The following BICRAL variants were observed in gnomAD, a reference collection of about 807,000 sequenced individuals.
The protein encoded by BICRAL is BICRA like chromatin remodeling complex associated protein, also known as BRD4-interacting chromatin-remodeling complex-associated protein-like.
A neutral mutation model predicts 91.8 loss-of-function variants in BICRAL; 8 were observed. That is an observed-to-expected ratio of 0.09 (90% confidence interval 0.05 to 0.16). The LOEUF (loss-of-function observed/expected upper bound fraction) is 0.16, where lower values mean the gene tolerates loss of function less well. Among genes scored for constraint, BICRAL ranks in the 10% least tolerant of loss-of-function variants. BICRAL has a pLI of 1.00. For synonymous variants in BICRAL, 445 were observed against 491.1 expected, an observed-to-expected ratio of 0.91 and a Z score of 1.24; for missense variants, 1,038 against 1,310.9, an observed-to-expected ratio of 0.79 and a Z score of 3.21.
intron 1 of BICRAL, among the ~76,000 whole-genome samples, chr6:42,809,306 C>G (rs1275796177): frequency 6.6e-6 from 1 of 151,998 alleles, no homozygotes; most frequent in African/African-American, 2.4e-5. Context: ...TTATTTCTGC[C>G]CCACCTCATT....
intron 1 of BICRAL, among the ~76,000 whole-genome samples, chr6:42,771,847 GA>G (rs527609173): frequency 2.3e-3 from 352 of 150,858 alleles, no homozygotes; most frequent in African/African-American, 8.3e-3. Context: ...AATCAGAAAA[GA>G]AAAAAAAATT....
Position 42,843,459 on chromosome 6 carries a change from T to C in BICRAL, c.1840-8633T>C, listed in dbSNP as rs147068891. Reference sequence around the variant, plus strand: ...TCTTGGATGCCATGATAAGAGCCAGTGTTGTAATCTAAGCATGAAGTAGAC... The same window carrying C: ...TCTTGGATGCCATGATAAGAGCCAGCGTTGTAATCTAAGCATGAAGTAGAC... On this transcript the variant is annotated intron_variant, in intron 6 of 12. Transcript: ENST00000314073. Among the ~76,000 whole-genome samples the C allele has an allele frequency of 5.2e-4, 79 of 152,250 alleles. No individual in the cohort carries two copies. The East Asian group carries it at 0.015, about 28-fold the overall frequency.
At chr6:42,834,735 G>T (rs1022865272) in intron 6 of BICRAL, among the ~76,000 whole-genome samples, 3 of 152,022 alleles carry the variant, frequency 2.0e-5, no homozygotes, top group Non-Finnish European at 4.4e-5. Context: ...CTCCAAATTG[G>T]CTGCTCATCC....
chr6:42,799,810 T>C (rs1283051542), intron 1 of BICRAL, among the ~76,000 whole-genome samples: 1 of 152,198 alleles, frequency 6.6e-6, no homozygotes, highest in Non-Finnish European at 1.5e-5. Context: ...TAGAAACTCA[T>C]TGTGAAACCT....
intron 1 of BICRAL, among the ~76,000 whole-genome samples, chr6:42,757,678 C>T (rs889145348): frequency 3.3e-5 from 5 of 152,328 alleles, no homozygotes; most frequent in African/African-American, 7.2e-5. Flanking sequence ...TGAGCCACCG[C>T]GCCCAGCCTG....
chr6:42,809,104 A>AC (rs374393031), intron 1 of BICRAL, among the ~76,000 whole-genome samples: 76 of 118,594 alleles, frequency 6.4e-4, no homozygotes, highest in South Asian at 1.2e-3. Context: ...AGCCCCCGGC[A>AC]CCCCCCCCAA....
Position 42,822,970 on chromosome 6 carries a change from A to G in BICRAL, c.126A>G (p.Ala42=). The G allele has an allele frequency of 6.2e-7, 1 of 1,611,906 alleles. No homozygotes were observed. ...ACTTGACTAATGCAGGATATTCTGC[A>G]GCCAATTCAAATTCAATTTTCGCCA... The part of the protein sequence containing the change: ...NDDLTNAGYS[A]ANSNSIFANS... Residue 42 remains alanine, a synonymous_variant, in exon 5 of 13, where the codon GCA becomes GCG. Coordinates refer to ENST00000314073, the MANE Select transcript of BICRAL (RefSeq NM_001393499.1).
intron 6 of BICRAL, among the ~76,000 whole-genome samples, chr6:42,832,310 T>G (rs1764506354): frequency 6.6e-6 from 1 of 150,552 alleles, no homozygotes; most frequent in Admixed American, 6.6e-5. Flanking sequence ...ATCATGCCAC[T>G]GCACTCCTGC....
intron 1 of BICRAL, among the ~76,000 whole-genome samples, chr6:42,804,534 A>G (rs1385196894): frequency 6.6e-6 from 1 of 152,234 alleles, no homozygotes; most frequent in Non-Finnish European, 1.5e-5. Flanking sequence ...CTTTAGGATA[A>G]GTAGGCATTG....
At chr6:42,813,801 G>C (rs370745961) in intron 2 of BICRAL, among the ~76,000 whole-genome samples, 37 of 151,972 alleles carry the variant, frequency 2.4e-4, no homozygotes, top group African/African-American at 8.7e-4. Context: ...GATTACAGGC[G>C]TGAGCCACCG....
intron 1 of BICRAL, among the ~76,000 whole-genome samples, chr6:42,798,909 A>T (rs1230592046): frequency 4.0e-5 from 6 of 150,538 alleles, no homozygotes; most frequent in African/African-American, 1.5e-4. Flanking sequence ...AATAGTTGTT[A>T]GACTATATTG....
At position 42,793,542 on chromosome 6, in the gene BICRAL, G is replaced by C. The variant is rs1582823132; in HGVS notation, c.-102+11441G>C. The stretch of plus-strand genomic sequence containing the variant: ...AACTTCAAGTGATCCACCAGCCTTG[G>C]CCTCCCAAAGTGCTGGGATTACAGG... On this transcript the variant is annotated intron_variant, in intron 1 of 12. Transcript: ENST00000314073. Among the ~76,000 whole-genome samples, 6 of 151,398 alleles carry C rather than the reference G, an allele frequency of 4.0e-5. No homozygotes were observed. In the East Asian group the frequency reaches 1.2e-3, roughly 29 times the overall value.
intron 1 of BICRAL, among the ~76,000 whole-genome samples, chr6:42,798,607 A>T (rs1171301681): frequency 6.6e-6 from 1 of 152,100 alleles, no homozygotes; most frequent in African/African-American, 2.4e-5. Flanking sequence ...GAGATAGGAG[A>T]ATTGCTTAAA....
intron 6 of BICRAL, among the ~76,000 whole-genome samples, chr6:42,837,301 A>G (rs1480845135): frequency 4.6e-5 from 7 of 152,178 alleles, no homozygotes; most frequent in Admixed American, 4.6e-4. Flanking sequence ...AACAAACACA[A>G]AAATATAATT....
intron 1 of BICRAL, among the ~76,000 whole-genome samples, chr6:42,770,713 G>GCCCTCCCCTC (rs1562453233): frequency 5.9e-5 from 9 of 151,332 alleles, no homozygotes; most frequent in African/African-American, 9.7e-5. Flanking sequence ...ACCCCACCCG[G>GCCCTCCCCTC]TCAGTGTTTT....
chr6:42,865,572 C>T lies in BICRAL; in HGVS notation c.*126C>T, dbSNP rs1765690819. 6.6e-6 allele frequency: 4 copies of T among 602,150 alleles called. No individual in the cohort carries two copies. The highest frequency in any genetic ancestry group is 1.2e-5 in the Non-Finnish European group (4 of 339,916). 37.3% of individuals were successfully genotyped at this position (602,150 alleles called of 1,614,324 possible). On this transcript the variant is annotated 3_prime_UTR_variant, in exon 13 of 13. Coordinates refer to ENST00000314073, the MANE Select transcript of BICRAL (RefSeq NM_001393499.1). ...CCTGTCTCCAGCCTGCTTGATCTTT[C>T]ATCACAGGTTATTCTTTCTAATCTC...
intron 5 of BICRAL, among the ~76,000 whole-genome samples, chr6:42,827,337 A>G (rs543773660): frequency 6.6e-6 from 1 of 152,312 alleles, no homozygotes; most frequent in East Asian, 1.9e-4. Context: ...TCTCTGCCAC[A>G]ACACTGATCT....
chr6:42,807,858 A>T (rs1763752963), intron 1 of BICRAL, among the ~76,000 whole-genome samples: 1 of 151,910 alleles, frequency 6.6e-6, no homozygotes, highest in South Asian at 2.1e-4. Context: ...TAACAGAATG[A>T]TATATTTATA....
At chr6:42,835,802 T>C (rs1764621065) in intron 6 of BICRAL, among the ~76,000 whole-genome samples, 1 of 152,152 alleles carries the variant, frequency 6.6e-6, no homozygotes, top group African/African-American at 2.4e-5. Flanking sequence ...AGTGTGGTAG[T>C]GTGCACCTGT....
Sources: gnomAD v4.1 joint callset for allele counts (sites outside exome capture counted in the v4.1 genomes callset) on GRCh38, gnomAD v4.1.1 for gene constraint, MANE v1.5 for transcripts, NCBI Gene and HGNC (gene_info 2026-07-23, HGNC 2026-07-21) for gene names.